The following POLK variants were observed in gnomAD, a reference collection of about 807,000 sequenced individuals.
POLK encodes polymerase (DNA directed) kappa.
Under a neutral mutation model 94.0 loss-of-function variants are expected in POLK, and 76 were observed. That is an observed-to-expected ratio of 0.81 (90% CI 0.67 to 0.98). The LOEUF is 0.98. Among genes scored for constraint, POLK ranks in the 50% least tolerant of loss-of-function variants. The pLI is 0.00. For synonymous variants in POLK, 349 were observed against 325.4 expected (o/e 1.07, Z -0.78); for missense variants, 954 against 1,010.1 (o/e 0.94, Z 0.75).
exon 13 of POLK, chr5:75,596,995 T>G (rs1256932083): frequency 6.2e-7 from 1 of 1,613,908 alleles, no homozygotes; most frequent in Non-Finnish European, 8.5e-7. Context: ...CCAGCCTTAC[T>G]TATGTGAAGT....
chr5:75,571,779 A>G (rs1032302715), intron 4 of POLK, among the ~76,000 whole-genome samples: 4 of 152,226 alleles, frequency 2.6e-5, no homozygotes, highest in Non-Finnish European at 5.9e-5. Flanking sequence ...CCCACTTTTG[A>G]TAAGAGTAAC....
In POLK at chr5:75,587,073, T is replaced by C. The variant is rs1326757773; in HGVS notation, c.1259+15T>C. On this transcript the variant is annotated intron_variant, in intron 10 of 14. Transcript: ENST00000241436. ...AGCGTTGAGAGGTAATGTTTTATTA[T>C]TTATTGTTAATTGTGCATAATTCAT... The C allele has an allele frequency of 7.2e-7, 1 of 1,392,096 alleles. No homozygotes were observed. The highest frequency in any genetic ancestry group is 1.2e-5 in the South Asian group (1 of 80,544). The allele number at this position is 1,392,096 out of a possible 1,614,324, so 86.2% of individuals were successfully genotyped here.
At chr5:75,554,142 T>C (rs1251741032) in intron 3 of POLK, among the ~76,000 whole-genome samples, 1 of 152,182 alleles carries the variant, frequency 6.6e-6, no homozygotes, top group Admixed American at 6.5e-5. Flanking sequence ...GGCAAGAATT[T>C]AAGTTACATG....
intron 1 of POLK, among the ~76,000 whole-genome samples, chr5:75,515,694 T>C (rs1768289481): frequency 6.6e-6 from 1 of 152,178 alleles, no homozygotes; most frequent in Non-Finnish European, 1.5e-5. Flanking sequence ...CTGTATTCCA[T>C]AGTGACTGTA....
At chr5:75,559,780 C>A (rs535458605) in intron 3 of POLK, among the ~76,000 whole-genome samples, 1 of 151,982 alleles carries the variant, frequency 6.6e-6, no homozygotes, top group East Asian at 1.9e-4. Flanking sequence ...CCTCAAGCTA[C>A]CCTTCCACTT....
intron 1 of POLK, among the ~76,000 whole-genome samples, chr5:75,525,661 A>G (rs1768804255): frequency 6.6e-6 from 1 of 152,224 alleles, no homozygotes; most frequent in Non-Finnish European, 1.5e-5. Context: ...ATAGGAAAAC[A>G]TACATAGAGG....
chr5:75,536,543 C>G (rs993473419), intron 1 of POLK, among the ~76,000 whole-genome samples: 4 of 152,068 alleles, frequency 2.6e-5, no homozygotes, highest in Non-Finnish European at 5.9e-5. Flanking sequence ...CAGGCAGAAG[C>G]AGGACCACTG....
intron 1 of POLK, among the ~76,000 whole-genome samples, chr5:75,524,943 C>T (rs1220715919): frequency 6.6e-6 from 1 of 152,192 alleles, no homozygotes; most frequent in Non-Finnish European, 1.5e-5. Flanking sequence ...TACATGCATG[C>T]CCACGGCAAA....
intron 1 of POLK, among the ~76,000 whole-genome samples, chr5:75,524,531 ATAAGTT>A (rs765498104): frequency 4.6e-5 from 7 of 152,230 alleles, no homozygotes; most frequent in Non-Finnish European, 7.3e-5. Flanking sequence ...TAAATTACGT[ATAAGTT>A]TATTTGCTTT....
intron 3 of POLK, among the ~76,000 whole-genome samples, chr5:75,567,223 C>A (rs1157090899): frequency 2.0e-5 from 3 of 152,060 alleles, no homozygotes; most frequent in Non-Finnish European, 2.9e-5. Context: ...TTTTTCTTTT[C>A]TAGATGATTC....
intron 1 of POLK, among the ~76,000 whole-genome samples, chr5:75,538,963 G>A (rs1241051959): frequency 6.6e-6 from 1 of 152,032 alleles, no homozygotes; most frequent in African/African-American, 2.4e-5. Context: ...GTAGAGATGA[G>A]ATTTCATCAT....
chr5:75,591,014 C>T (rs1237624773), intron 11 of POLK, among the ~76,000 whole-genome samples: 5 of 151,882 alleles, frequency 3.3e-5, no homozygotes, highest in South Asian at 4.2e-4. Flanking sequence ...CAGTACAAAG[C>T]GTAATAAAAA....
upstream of POLK, chr5:75,511,606 A>T (rs1768010903): frequency 6.8e-7 from 1 of 1,467,722 alleles, no homozygotes; most frequent in African/African-American, 1.4e-5. Flanking sequence ...TACCGCCGCC[A>T]TCTTCCTGCC....
chr5:75,522,562 A>G (rs1054647368), intron 1 of POLK, among the ~76,000 whole-genome samples: 1 of 152,204 alleles, frequency 6.6e-6, no homozygotes, highest in African/African-American at 2.4e-5. Flanking sequence ...TCTGCTTTCA[A>G]AGATGTTATA....
At chr5:75,585,645 C>A (rs1325174064) in intron 9 of POLK, among the ~76,000 whole-genome samples, 1 of 152,058 alleles carries the variant, frequency 6.6e-6, no homozygotes, top group Non-Finnish European at 1.5e-5. Context: ...ACTCTTTCAT[C>A]TAGGTCTTAA....
chr5:75,593,481 T>G (rs1772898088), intron 11 of POLK, among the ~76,000 whole-genome samples: 1 of 152,234 alleles, frequency 6.6e-6, no homozygotes, highest in African/African-American at 2.4e-5. Context: ...TAATTCCATA[T>G]TCTTATGTCC....
At chr5:75,555,070 A>G (rs1481039420) in intron 3 of POLK, among the ~76,000 whole-genome samples, 2 of 152,196 alleles carry the variant, frequency 1.3e-5, no homozygotes, top group Non-Finnish European at 2.9e-5. Context: ...GTCTCCCCAC[A>G]GGCATAGCCT....
At chr5:75,550,230 T>C (rs1254731639) in intron 2 of POLK, among the ~76,000 whole-genome samples, 1 of 152,126 alleles carries the variant, frequency 6.6e-6, no homozygotes, top group African/African-American at 2.4e-5. Context: ...TTAAACAATA[T>C]AGCAAAGAGA....
At chr5:75,582,772 A>AC (rs1278721375) in intron 7 of POLK, 1 of 152,212 alleles carries the variant, frequency 6.6e-6, no homozygotes, top group East Asian at 1.9e-4. Context: ...ATATGGTGAA[A>AC]CCCCCATCTC....
Sources: gnomAD v4.1 joint callset for allele counts (sites outside exome capture counted in the v4.1 genomes callset) on GRCh38, gnomAD v4.1.1 for gene constraint, MANE v1.5 for transcripts, NCBI Gene and HGNC (gene_info 2026-07-23, HGNC 2026-07-21) for gene names.